SDCBP: variants seen among roughly 807,000 people sequenced by gnomAD.
The protein encoded by SDCBP is syndecan binding protein.
Under a neutral mutation model 30.5 loss-of-function variants are expected in SDCBP, and 22 were observed. That is an observed-to-expected ratio of 0.72 (90% CI 0.52 to 1.03). The LOEUF is 1.03. Ranked by LOEUF, SDCBP falls within the 50% of genes least tolerant of loss-of-function variation. The pLI, the probability that SDCBP is intolerant of heterozygous loss-of-function variation, is 0.00. For synonymous variants in SDCBP, 103 were observed against 118.7 expected, an observed-to-expected ratio of 0.87 and a Z score of 0.86; for missense variants, 304 against 369.9, an observed-to-expected ratio of 0.82 and a Z score of 1.46.
At chr8:58,561,670 A>G (rs1477447742) in intron 1 of SDCBP, 1 of 599,070 alleles carries the variant, frequency 1.7e-6, no homozygotes, top group Non-Finnish European at 3.0e-6. Flanking sequence ...GTTCATCACC[A>G]CTATATCTGA....
chr8:58,576,061 T>G lies in SDCBP; in HGVS notation c.402T>G (p.Asn134Lys), dbSNP rs1563514098. ...GACTCAGGCTTAAATCAATAGATAA[T>G]GTAAGTATTTTAAATACCTATTTGA... is the stretch of plus-strand genomic sequence containing the variant. ...KIGLRLKSID[N>K]GIFVQLVQAN... Residue 134 changes from asparagine to lysine, a missense_variant and splice_region_variant, in exon 5 of 9, where the codon AAT (asparagine) becomes AAG (lysine). Transcript: ENST00000260130. The G allele has an allele frequency of 6.9e-6, 11 of 1,601,150 alleles. No homozygotes were observed. Among genetic ancestry groups the G allele is most frequent in the Admixed American group, 1.7e-5 (1 of 59,804 alleles).
intron 2 of SDCBP, among the ~76,000 whole-genome samples, chr8:58,566,873 A>G (rs1056817158): frequency 1.3e-5 from 2 of 152,240 alleles, no homozygotes; most frequent in African/African-American, 4.8e-5. Flanking sequence ...AGTAGCCACT[A>G]GGCTGTGGCT....
At chr8:58,562,755 C>T (rs1804505433) in intron 1 of SDCBP, among the ~76,000 whole-genome samples, 1 of 152,100 alleles carries the variant, frequency 6.6e-6, no homozygotes, top group Admixed American at 6.5e-5. Context: ...GGTAAGTCTT[C>T]ATAACCTTGA....
chr8:58,568,129 T>C (rs1395690014), intron 2 of SDCBP, among the ~76,000 whole-genome samples: 2 of 152,256 alleles, frequency 1.3e-5, no homozygotes, highest in Admixed American at 6.5e-5. Flanking sequence ...ATTTTTTAAC[T>C]TTCTGACTCT....
chr8:58,561,522 A>G, intron 1 of SDCBP: 1 of 377,882 alleles, frequency 2.6e-6, no homozygotes, highest in Non-Finnish European at 4.8e-6. Context: ...TGGATTTCTT[A>G]GCAGAAACCT....
chr8:58,562,960 G>A (rs1430876448), intron 1 of SDCBP, among the ~76,000 whole-genome samples: 4 of 152,168 alleles, frequency 2.6e-5, no homozygotes, highest in African/African-American at 9.7e-5. Context: ...CTGAATGTTT[G>A]TGACTGTGTC....
At chr8:58,570,830 A>G in intron 2 of SDCBP, 57 bp from the exon 3 acceptor site, 3 of 1,160,172 alleles carry the variant, frequency 2.6e-6, no homozygotes, top group African/African-American at 1.6e-5. Context: ...TATAAATTAT[A>G]TAAGAATATA....
Position 58,570,979 on chromosome 8 carries a change from T to G in SDCBP, c.130+14T>G, listed in dbSNP as rs200071227. 3.7e-5 allele frequency: 58 copies of G among 1,564,724 alleles called. No individual in the cohort carries two copies. Among genetic ancestry groups the G allele is most frequent in the Non-Finnish European group, 5.0e-5 (57 of 1,136,128 alleles). On this transcript the variant is annotated intron_variant, in intron 3 of 8. Coordinates refer to ENST00000260130, the MANE Select transcript of SDCBP (RefSeq NM_005625.4). The stretch of plus-strand genomic sequence containing the variant: ...CTCACGATGGAAGTAGGTTTATACT[T>G]TGAGTTCATTCTCTGTGAACAGAAA...
At chr8:58,575,730 A>G (rs7833413) in intron 4 of SDCBP, among the ~76,000 whole-genome samples, 170 bp from the exon 5 acceptor site, 10,177 of 152,244 alleles carry the variant, frequency 0.067, 863 homozygotes, top group East Asian at 0.26. Context: ...TTAGTGAAGA[A>G]TTAGTAGTAG....
At chr8:58,565,465 T>C (rs1804657569) in intron 2 of SDCBP, among the ~76,000 whole-genome samples, 1 of 152,124 alleles carries the variant, frequency 6.6e-6, no homozygotes, top group Non-Finnish European at 1.5e-5. Context: ...TAATTCTATG[T>C]CTCTTAACTG....
intron 3 of SDCBP, 152 bp from the exon 4 acceptor site, chr8:58,572,053 T>C: frequency 3.5e-6 from 2 of 564,552 alleles, no homozygotes; most frequent in Non-Finnish European, 6.3e-6. Context: ...ATTACAGAGA[T>C]GGGGAGATGC....
At chr8:58,579,976 A>G (rs1646952845) in intron 7 of SDCBP, 182 bp downstream of exon 7, 6 of 478,770 alleles carry the variant, frequency 1.3e-5, no homozygotes, top group East Asian at 3.3e-5. Context: ...TACAGTTCCT[A>G]TAACAAGTGG....
At chr8:58,561,857 A>AT in intron 1 of SDCBP, 1 of 639,606 alleles carries the variant, frequency 1.6e-6, no homozygotes, top group Non-Finnish European at 2.8e-6. Context: ...GCCTGTAACT[A>AT]TAAAAATATT....
chr8:58,574,914 G>A (rs907421872), intron 4 of SDCBP, among the ~76,000 whole-genome samples: 1 of 152,056 alleles, frequency 6.6e-6, no homozygotes, highest in Admixed American at 6.5e-5. Flanking sequence ...CAAGTATACC[G>A]TACAGTATTA....
At position 58,572,320 on chromosome 8, in the gene SDCBP, T is replaced by C; in HGVS notation, c.240+6T>C. ...CTGGTGCACCACTTCAGGGGGTATG[T>C]ATAGTGTAATTAATTTTGATTTATA... On this transcript the variant is annotated splice_donor_region_variant and intron_variant, in intron 4 of 8. Transcript: ENST00000260130. 1 of 1,535,762 alleles carries C rather than the reference T, an allele frequency of 6.5e-7. No individual in the cohort carries two copies. Among genetic ancestry groups the C allele is most frequent in the Non-Finnish European group, 9.0e-7 (1 of 1,109,828 alleles).
chr8:58,581,540 T>A, intron 8 of SDCBP, 146 bp from the exon 9 acceptor site: 1 of 631,988 alleles, frequency 1.6e-6, no homozygotes, highest in South Asian at 1.9e-5. Context: ...GCTTCTGGAC[T>A]CATTTAAAAG....
chr8:58,576,169 G>A (rs1051832610), intron 5 of SDCBP, 108 bp downstream of exon 5: 4 of 807,548 alleles, frequency 5.0e-6, no homozygotes, highest in African/African-American at 3.5e-5. Context: ...TAGTGCATCT[G>A]TAGTTGAGAA....
intron 2 of SDCBP, among the ~76,000 whole-genome samples, chr8:58,570,401 C>T (rs954307908): frequency 8.8e-5 from 13 of 148,500 alleles, no homozygotes; most frequent in Middle Eastern, 3.5e-3. Flanking sequence ...CCTTCCTATA[C>T]TTGCTGCAAT....
At chr8:58,553,576 G>A (rs1803930866) in intron 1 of SDCBP, among the ~76,000 whole-genome samples, 1 of 152,188 alleles carries the variant, frequency 6.6e-6, no homozygotes, top group Admixed American at 6.5e-5. Context: ...TGGGGCTGGG[G>A]CTGGGGCTGG....
Sources: gnomAD v4.1 joint callset for allele counts (sites outside exome capture counted in the v4.1 genomes callset) on GRCh38, gnomAD v4.1.1 for gene constraint, MANE v1.5 for transcripts, NCBI Gene and HGNC (gene_info 2026-07-23, HGNC 2026-07-21) for gene names.